GPR89A: variants seen among roughly 807,000 people sequenced by gnomAD.
The protein encoded by GPR89A is G protein-coupled receptor 89A.
A neutral mutation model predicts 52.0 loss-of-function variants in GPR89A; 16 were observed. The observed-to-expected ratio is 0.31, with a 90% CI of 0.21 to 0.47. GPR89A has a LOEUF of 0.47. Ranked by LOEUF, GPR89A falls within the 20% of genes least tolerant of loss-of-function variation. The pLI is 1.00. For synonymous variants in GPR89A, 55 were observed against 150.9 expected, an observed-to-expected ratio of 0.36 and a Z score of 4.66; for missense variants, 135 against 449.4, an observed-to-expected ratio of 0.30 and a Z score of 6.33.
intron 10 of GPR89A, among the ~76,000 whole-genome samples, chr1:145,657,673 C>A (rs1553694761): frequency 6.6e-6 from 1 of 151,084 alleles, no homozygotes; most frequent in African/African-American, 2.4e-5. Flanking sequence ...TTTAAAGATA[C>A]AGGGTTTATG....
chr1:145,656,503 A>G (rs587631096), intron 10 of GPR89A, among the ~76,000 whole-genome samples: 2 of 152,194 alleles, frequency 1.3e-5, no homozygotes, highest in South Asian at 2.1e-4. Flanking sequence ...GTCAGTCCCA[A>G]TGAGAGAACC....
intron 7 of GPR89A, among the ~76,000 whole-genome samples, chr1:145,641,959 G>A (rs1312252597): frequency 6.6e-6 from 1 of 151,842 alleles, no homozygotes; most frequent in Non-Finnish European, 1.5e-5. Context: ...TTTGATAAGA[G>A]CAAAATTGGT....
intron 8 of GPR89A, chr1:145,645,544 C>T (rs1650924800): frequency 1.1e-5 from 5 of 453,532 alleles, no homozygotes; most frequent in African/African-American, 1.0e-4. Context: ...TGGAAAATAA[C>T]ATAGTGTAAT....
intron 12 of GPR89A, among the ~76,000 whole-genome samples, chr1:145,666,872 A>C (rs1312674863): frequency 6.6e-6 from 1 of 152,042 alleles, no homozygotes; most frequent in Non-Finnish European, 1.5e-5. Context: ...GTCCCTACAA[A>C]GGACATGAAC....
At chr1:145,617,575 C>T (rs1234603177) in intron 2 of GPR89A, among the ~76,000 whole-genome samples, 6 of 152,042 alleles carry the variant, frequency 3.9e-5, no homozygotes, top group African/African-American at 9.7e-5. Flanking sequence ...AATTTATGTT[C>T]AGAGATTGCA....
intron 5 of GPR89A, among the ~76,000 whole-genome samples, chr1:145,624,659 A>G (rs1313625371): frequency 6.9e-6 from 1 of 144,536 alleles, no homozygotes; most frequent in Non-Finnish European, 1.5e-5. Flanking sequence ...CTTTCTAGGA[A>G]AGTAGGGATG....
Position 145,648,820 on chromosome 1 carries a change from G to GTC in GPR89A, c.909+1553_909+1554insTC, listed in dbSNP as rs1651241936. On this transcript the variant is annotated intron_variant, in intron 10 of 13. Transcript: ENST00000313835. ...GTTCTTTTTTTTTTTTTTTTTTGTT[G>GTC]AAGACGGAGTCTCTCTCTGTCTCCC... is the stretch of plus-strand genomic sequence containing the variant. Among the ~76,000 whole-genome samples, 2 of 36,844 alleles carry GTC rather than the reference G, an allele frequency of 5.4e-5. 1 individual carries two copies. Among genetic ancestry groups the GTC allele is most frequent in the Non-Finnish European group, 9.9e-5 (2 of 20,236 alleles). The allele number at this position is 36,844 out of a possible 152,430, so 24.2% of individuals were successfully genotyped here. A position where few individuals can be genotyped will look rare whatever the true frequency, so the allele number is the denominator to read the frequency against.
chr1:145,656,845 G>C (rs782393514), intron 10 of GPR89A, among the ~76,000 whole-genome samples: 5 of 151,388 alleles, frequency 3.3e-5, no homozygotes, highest in Non-Finnish European at 5.9e-5. Context: ...CCCTTTATCA[G>C]GTTGAGGAAG....
chr1:145,608,531 G>C (rs1478019610), intron 1 of GPR89A: 3 of 682,922 alleles, frequency 4.4e-6, no homozygotes, highest in Non-Finnish European at 6.6e-6. Context: ...ATCCTGGACT[G>C]GGGAAGCCTG....
At chr1:145,639,929 T>A (rs1279909509) in intron 7 of GPR89A, among the ~76,000 whole-genome samples, 1 of 151,744 alleles carries the variant, frequency 6.6e-6, no homozygotes, top group Non-Finnish European at 1.5e-5. Flanking sequence ...TATATAAAAT[T>A]AAAACACGCC....
chr1:145,658,818 C>T (rs1383630889), intron 10 of GPR89A, among the ~76,000 whole-genome samples: 4 of 152,072 alleles, frequency 2.6e-5, no homozygotes, highest in Non-Finnish European at 4.4e-5. Context: ...CACTCTGTTG[C>T]CCAGGCTGGA....
intron 9 of GPR89A, chr1:145,646,591 G>A (rs1553692588): frequency 2.6e-6 from 1 of 382,802 alleles, no homozygotes; most frequent in Non-Finnish European, 4.7e-6. Context: ...TCCTTTATAA[G>A]TTAGTAATAT....
intron 10 of GPR89A, among the ~76,000 whole-genome samples, chr1:145,662,465 T>G (rs1486735011): frequency 6.6e-6 from 1 of 152,042 alleles, no homozygotes; most frequent in Admixed American, 6.6e-5. Context: ...ACTTTTAACC[T>G]ATTTGTATCT....
At chr1:145,666,805 T>C (rs1408330770) in intron 12 of GPR89A, among the ~76,000 whole-genome samples, 1 of 151,092 alleles carries the variant, frequency 6.6e-6, no homozygotes, top group Non-Finnish European at 1.5e-5. Flanking sequence ...TATGCAGTGT[T>C]TGGCTTTTTG....
chr1:145,654,973 C>T (rs1173375899), intron 10 of GPR89A, among the ~76,000 whole-genome samples: 5 of 150,122 alleles, frequency 3.3e-5, no homozygotes, highest in Admixed American at 6.7e-5. Flanking sequence ...TCCCATAGTT[C>T]TCAGAGGTTT....
rs1168447239 is a variant in GPR89A, at chr1:145,646,177, G to A, written c.728-7G>A. ...TGATTAAAACCTTGATGCCCATTCT[G>A]TGCCAGATCTTACTCTTATTCAACA... On this transcript the variant is annotated splice_region_variant and splice_polypyrimidine_tract_variant and intron_variant, in intron 8 of 13. Coordinates refer to ENST00000313835, the MANE Select transcript of GPR89A (RefSeq NM_001097612.2). 1 of 1,612,784 alleles carries A rather than the reference G, an allele frequency of 6.2e-7. No homozygotes were observed. Among genetic ancestry groups the A allele is most frequent in the Admixed American group, 1.7e-5 (1 of 59,978 alleles).
chr1:145,624,705 C>G (rs1464713188), intron 5 of GPR89A, among the ~76,000 whole-genome samples: 5 of 125,504 alleles, frequency 4.0e-5, no homozygotes, highest in African/African-American at 1.6e-4. Context: ...GAGAAATACC[C>G]AACTATGCCA....
intron 10 of GPR89A, among the ~76,000 whole-genome samples, chr1:145,652,683 A>G (rs1553693717): frequency 8.2e-6 from 1 of 121,666 alleles, no homozygotes; most frequent in South Asian, 3.0e-4. Flanking sequence ...TTATGGGTCT[A>G]TTCAGGGATT....
intron 5 of GPR89A, among the ~76,000 whole-genome samples, chr1:145,625,909 C>A (rs1314506706): frequency 6.6e-6 from 1 of 150,724 alleles, no homozygotes; most frequent in Non-Finnish European, 1.5e-5. Flanking sequence ...GTCTTTGTAT[C>A]CCCAGTGCCT....
Sources: gnomAD v4.1 joint callset for allele counts (sites outside exome capture counted in the v4.1 genomes callset) on GRCh38, gnomAD v4.1.1 for gene constraint, MANE v1.5 for transcripts, NCBI Gene and HGNC (gene_info 2026-07-23, HGNC 2026-07-21) for gene names.